Variants in FMN1 observed in about 807,000 individuals in gnomAD.
FMN1 encodes the protein formin-1.
A neutral mutation model predicts 132.4 loss-of-function variants in FMN1; 110 were observed. The observed-to-expected ratio is 0.83, with a 90% CI of 0.71 to 0.97. The LOEUF (loss-of-function observed/expected upper bound fraction) is 0.97. Among genes scored for constraint, FMN1 ranks in the 50% least tolerant of loss-of-function variants. The pLI is 0.00. For missense variants in FMN1, 1,792 were observed against 1,705.3 expected (o/e 1.05, Z -0.90); for synonymous variants, 722 against 651.7 (o/e 1.11, Z -1.64).
At chr15:33,082,419 C>T (rs1018595618) in intron 5 of FMN1, among the ~76,000 whole-genome samples, 2 of 152,060 alleles carry the variant, frequency 1.3e-5, no homozygotes, top group Non-Finnish European at 2.9e-5. Flanking sequence ...TTACCTGTTT[C>T]CTGCTTTTCA....
In FMN1 at chr15:33,176,863, G is replaced by A. The variant is rs769128051; in HGVS notation, c.-132+3335C>T. ...AGTATTAATATGGTCAGGGGTCTTCGCAGATGGCAAAGTCCTAATGCTTCT... is the reference window on the plus strand; with the variant it reads ...AGTATTAATATGGTCAGGGGTCTTCACAGATGGCAAAGTCCTAATGCTTCT... On this transcript the variant is annotated intron_variant, in intron 3 of 20. Coordinates refer to ENST00000616417, the MANE Select transcript of FMN1 (RefSeq NM_001277313.2). 4.6e-5 allele frequency among the ~76,000 whole-genome samples: 7 copies of A among 152,156 alleles called. No homozygotes were observed. The East Asian group carries it at 5.8e-4, about 13-fold the overall frequency.
chr15:33,110,478 T>A (rs1282542200), intron 4 of FMN1, among the ~76,000 whole-genome samples: 1 of 152,028 alleles, frequency 6.6e-6, no homozygotes, highest in East Asian at 1.9e-4. Context: ...CGTATCCTTA[T>A]GAATCTTCTA....
At chr15:32,949,337 GAACA>G (rs1292240546) in intron 9 of FMN1, among the ~76,000 whole-genome samples, 3 of 151,890 alleles carry the variant, frequency 2.0e-5, no homozygotes, top group Non-Finnish European at 4.4e-5. Context: ...ACTAATACAA[GAACA>G]AACACATAGA....
intron 8 of FMN1, among the ~76,000 whole-genome samples, chr15:32,965,928 A>T (rs1482666602): frequency 1.3e-5 from 2 of 152,058 alleles, no homozygotes; most frequent in Non-Finnish European, 2.9e-5. Flanking sequence ...ACTTAACTTC[A>T]ACTTGAAGCA....
At chr15:32,795,737 CA>C (rs1320371965) in intron 19 of FMN1, among the ~76,000 whole-genome samples, 1 of 152,120 alleles carries the variant, frequency 6.6e-6, no homozygotes, top group Non-Finnish European at 1.5e-5. Context: ...GTCCTGATAC[CA>C]GGGGCAGCAC....
intron 10 of FMN1, among the ~76,000 whole-genome samples, chr15:32,922,842 C>T (rs749063983): frequency 2.6e-5 from 4 of 152,114 alleles, no homozygotes; most frequent in South Asian, 2.1e-4. Context: ...CCTGTTTATG[C>T]CTGTTTCTTT....
chr15:32,851,886 C>T (rs192582025), intron 17 of FMN1, among the ~76,000 whole-genome samples: 9 of 152,162 alleles, frequency 5.9e-5, no homozygotes, highest in Non-Finnish European at 8.8e-5. Flanking sequence ...CTCAGGCATA[C>T]AGAACACAAT....
intron 19 of FMN1, among the ~76,000 whole-genome samples, chr15:32,792,424 G>A (rs757125868): frequency 6.6e-5 from 10 of 150,998 alleles, no homozygotes; most frequent in South Asian, 4.2e-4. Context: ...CAGCCTGGGC[G>A]ACAGAGCAAG....
intron 6 of FMN1, among the ~76,000 whole-genome samples, chr15:33,008,421 A>G (rs11631942): frequency 0.1 from 15,878 of 152,210 alleles, 1,121 homozygotes; most frequent in Middle Eastern, 0.19. Context: ...AAATACAGAC[A>G]TCTTAAGAGC....
intron 4 of FMN1, among the ~76,000 whole-genome samples, chr15:33,108,243 AG>A (rs1369163194): frequency 6.6e-6 from 1 of 152,024 alleles, no homozygotes; most frequent in African/African-American, 2.4e-5. Flanking sequence ...ACTAGAAAAA[AG>A]AAAAGATATG....
At chr15:32,999,610 C>T (rs1041800873) in intron 7 of FMN1, among the ~76,000 whole-genome samples, 24 of 152,210 alleles carry the variant, frequency 1.6e-4, no homozygotes, top group African/African-American at 5.5e-4. Context: ...GGCCATCGCT[C>T]AGTGAAGTTT....
At chr15:33,052,975 T>C (rs935403263) in intron 6 of FMN1, among the ~76,000 whole-genome samples, 2 of 103,468 alleles carry the variant, frequency 1.9e-5, no homozygotes, top group Non-Finnish European at 3.9e-5. Context: ...AGAAACCACC[T>C]GACTGTGGGG....
At chr15:32,906,284 A>G (rs908022027) in intron 12 of FMN1, among the ~76,000 whole-genome samples, 1 of 152,198 alleles carries the variant, frequency 6.6e-6, no homozygotes, top group Non-Finnish European at 1.5e-5. Flanking sequence ...ATGGCCCATG[A>G]ATTAAAAGAA....
intron 17 of FMN1, among the ~76,000 whole-genome samples, chr15:32,809,116 G>A (rs2057783620): frequency 6.6e-6 from 1 of 151,952 alleles, no homozygotes; most frequent in South Asian, 2.1e-4. Flanking sequence ...TGAGGGGAGA[G>A]GTACTTAATG....
At chr15:32,826,980 G>A (rs965572648) in intron 17 of FMN1, among the ~76,000 whole-genome samples, 1 of 152,214 alleles carries the variant, frequency 6.6e-6, no homozygotes, top group Non-Finnish European at 1.5e-5. Flanking sequence ...TAGAACTACA[G>A]GAGAATCAGA....
At chr15:32,956,144 C>T (rs1449917647) in intron 9 of FMN1, among the ~76,000 whole-genome samples, 4 of 152,048 alleles carry the variant, frequency 2.6e-5, no homozygotes, top group South Asian at 4.2e-4. Context: ...AGGATCCATG[C>T]AACTTTTATC....
intron 5 of FMN1, chr15:33,067,230 C>A (rs370387950): frequency 9.3e-6 from 15 of 1,613,430 alleles, no homozygotes; most frequent in Non-Finnish European, 1.3e-5. Flanking sequence ...CCGTTGCCAG[C>A]TTCCAGTTTG....
At chr15:32,991,463 G>A (rs1023886576) in intron 7 of FMN1, among the ~76,000 whole-genome samples, 1 of 152,114 alleles carries the variant, frequency 6.6e-6, no homozygotes, top group African/African-American at 2.4e-5. Flanking sequence ...GTGAAGGTAG[G>A]AGCCCCAAAT....
chr15:33,154,711 T>C lies in FMN1; in HGVS notation c.204A>G (p.Glu68=). 3.9e-6 allele frequency: 6 copies of C among 1,536,130 alleles called. No homozygotes were observed. Among genetic ancestry groups the C allele is most frequent in the Non-Finnish European group, 5.2e-6 (6 of 1,146,922 alleles). The stretch of plus-strand genomic sequence containing the variant: ...GCTTGAAAAATATGTCGCCTGGATG[T>C]TCGTCCGGCTCCTGGCTGAGGCTGA... The part of the protein sequence containing the change: ...DIISLSQEPD[E]HPGDIFFKQT... Residue 68 remains glutamate, a synonymous_variant, in exon 4 of 21, where the codon GAA becomes GAG. Transcript: ENST00000616417.
Sources: allele counts gnomAD v4.1 joint callset (sites outside exome capture counted in the v4.1 genomes callset), GRCh38; gene constraint gnomAD v4.1.1; transcripts MANE v1.5; gene names NCBI Gene and HGNC (gene_info 2026-07-23, HGNC 2026-07-21).